Variants in PBX1 observed in about 807,000 individuals in gnomAD.
PBX1 encodes the protein pre-B-cell leukemia transcription factor 1.
Under a neutral mutation model 53.4 loss-of-function variants are expected in PBX1, and 6 were observed. The ratio of observed to expected loss-of-function variants is 0.11; its 90% CI spans 0.06 to 0.22. The LOEUF is 0.22. PBX1 is among the 10% of genes least tolerant of loss of function. The pLI is 1.00. For missense variants in PBX1, 251 were observed against 551.4 expected (o/e 0.46, Z 5.46); for synonymous variants, 204 against 212.3 (o/e 0.96, Z 0.34).
chr1:164,745,930 C>T (rs886362898), intron 2 of PBX1, among the ~76,000 whole-genome samples: 35 of 152,162 alleles, frequency 2.3e-4, no homozygotes, highest in African/African-American at 8.4e-4. Flanking sequence ...TCTAGAGGAT[C>T]GTTCCTATTG....
At chr1:164,874,008 A>AAG (rs1427306514) in intron 2 of PBX1, among the ~76,000 whole-genome samples, 1 of 6,030 alleles carries the variant, frequency 1.7e-4, no homozygotes, top group Non-Finnish European at 2.6e-3. Context: ...AGGAATTCAG[A>AAG]AAAAAAAAAA....
chr1:164,650,771 A>T (rs1230920231), intron 2 of PBX1, among the ~76,000 whole-genome samples: 1 of 151,836 alleles, frequency 6.6e-6, no homozygotes, highest in Non-Finnish European at 1.5e-5. Flanking sequence ...CGTCTAGTAC[A>T]TGCTGCTTGA....
At chr1:164,635,320 G>T (rs932045596) in intron 2 of PBX1, among the ~76,000 whole-genome samples, 1 of 152,056 alleles carries the variant, frequency 6.6e-6, no homozygotes, top group Non-Finnish European at 1.5e-5. Flanking sequence ...TTTAAAAAGT[G>T]GGGGGCGAGG....
intron 2 of PBX1, among the ~76,000 whole-genome samples, chr1:164,609,904 T>C (rs1337552899): frequency 6.6e-6 from 1 of 152,176 alleles, no homozygotes; most frequent in Admixed American, 6.5e-5. Context: ...GGAAAACTCA[T>C]GGGCATCTTC....
At chr1:164,745,523 C>T (rs73025080) in intron 2 of PBX1, among the ~76,000 whole-genome samples, 3,031 of 152,234 alleles carry the variant, frequency 0.02, 105 homozygotes, top group African/African-American at 0.07. Flanking sequence ...CACTTGTCAA[C>T]GCAGGAACTG....
intron 2 of PBX1, among the ~76,000 whole-genome samples, chr1:164,726,993 C>T (rs1664732236): frequency 6.6e-6 from 1 of 152,140 alleles, no homozygotes; most frequent in African/African-American, 2.4e-5. Context: ...TCTGTGTTCC[C>T]TCAGCTACTA....
chr1:164,685,263 A>G (rs1027115572), intron 2 of PBX1, among the ~76,000 whole-genome samples: 2 of 152,230 alleles, frequency 1.3e-5, no homozygotes, highest in Non-Finnish European at 2.9e-5. Context: ...TGTCATGGCT[A>G]TTCATTCCTA....
chr1:164,560,143 A>C, intron 1 of PBX1, 130 bp downstream of exon 1: 1 of 690,416 alleles, frequency 1.4e-6, no homozygotes, highest in Non-Finnish European at 2.3e-6. Context: ...TCATTTTGAC[A>C]AGCAACTACA....
chr1:164,675,890 A>G (rs1484944892), intron 2 of PBX1, among the ~76,000 whole-genome samples: 1 of 152,058 alleles, frequency 6.6e-6, no homozygotes, highest in African/African-American at 2.4e-5. Context: ...TTCTGTGTGG[A>G]CTGTGTGCCA....
rs1275057819 is a variant in PBX1, at chr1:164,655,112, T to TA, written c.265+91801_265+91802insA. ...GTCTCTGATGTGTGTTTTTTTTTTT[T>TA]TTTTATTTTTATTTTTTTAAGACGG... On this transcript the variant is annotated intron_variant, in intron 2 of 8. Coordinates refer to ENST00000420696, the MANE Select transcript of PBX1 (RefSeq NM_002585.4). Among the ~76,000 whole-genome samples the TA allele has an allele frequency of 3.1e-3, 466 of 149,910 alleles. 2 individuals carry two copies. Among genetic ancestry groups the TA allele is most frequent in the African/African-American group, 0.01 (417 of 40,620 alleles).
chr1:164,871,647 G>T (rs1672385469), intron 2 of PBX1, among the ~76,000 whole-genome samples: 1 of 152,154 alleles, frequency 6.6e-6, no homozygotes, highest in South Asian at 2.1e-4. Flanking sequence ...GAGTTCTCAA[G>T]ATATCTGCTG....
At chr1:164,660,349 G>C (rs906124836) in intron 2 of PBX1, among the ~76,000 whole-genome samples, 1 of 152,134 alleles carries the variant, frequency 6.6e-6, no homozygotes, top group Non-Finnish European at 1.5e-5. Context: ...AACTTACACT[G>C]GGTTTGAAAA....
chr1:164,622,822 C>CTTT (rs11299132), intron 2 of PBX1, among the ~76,000 whole-genome samples: 13 of 106,278 alleles, frequency 1.2e-4, no homozygotes, highest in Non-Finnish European at 1.9e-4. Flanking sequence ...CAGTTTCCAT[C>CTTT]TTTTTTTTTT....
chr1:164,607,517 C>A (rs567853138), intron 2 of PBX1, among the ~76,000 whole-genome samples: 1 of 151,944 alleles, frequency 6.6e-6, no homozygotes, highest in Admixed American at 6.5e-5. Context: ...AGAGAGTTGA[C>A]GAGTTAGATT....
At chr1:164,647,076 TTTA>T (rs1659499198) in intron 2 of PBX1, among the ~76,000 whole-genome samples, 2 of 152,192 alleles carry the variant, frequency 1.3e-5, no homozygotes, top group Non-Finnish European at 2.9e-5. Flanking sequence ...TTTCATGGAT[TTTA>T]TTTGCTTGGG....
intron 6 of PBX1, chr1:164,819,830 A>G (rs1006264366): frequency 4.3e-5 from 17 of 392,798 alleles, no homozygotes; most frequent in Middle Eastern, 7.0e-4. Flanking sequence ...GAAGTTGCCA[A>G]GGGGAAGCAG....
At chr1:164,882,579 A>AT (rs1009505792) in intron 2 of PBX1, among the ~76,000 whole-genome samples, 6 of 152,276 alleles carry the variant, frequency 3.9e-5, no homozygotes, top group Non-Finnish European at 7.4e-5. Context: ...ACTAACGCAT[A>AT]TTTTTTTACT....
intron 2 of PBX1, among the ~76,000 whole-genome samples, chr1:164,745,823 C>T (rs913749781): frequency 4.1e-4 from 62 of 152,192 alleles, no homozygotes; most frequent in African/African-American, 1.4e-3. Flanking sequence ...TTCATATATG[C>T]ATACATGACT....
chr1:164,810,584 A>G (rs1037002320), intron 5 of PBX1, among the ~76,000 whole-genome samples: 4 of 152,186 alleles, frequency 2.6e-5, no homozygotes, highest in African/African-American at 9.6e-5. Context: ...TATCTGAGAA[A>G]AAAAATCTCC....
Sources: allele counts gnomAD v4.1 joint callset (sites outside exome capture counted in the v4.1 genomes callset), GRCh38; gene constraint gnomAD v4.1.1; transcripts MANE v1.5; gene names NCBI Gene and HGNC (gene_info 2026-07-23, HGNC 2026-07-21).